SLC35F4: variants seen among roughly 807,000 people sequenced by gnomAD.
SLC35F4 encodes solute carrier family 35 member F4.
Under a neutral mutation model 44.2 loss-of-function variants are expected in SLC35F4, and 24 were observed. The observed-to-expected ratio is 0.54, with a 90% confidence interval of 0.39 to 0.76. The LOEUF is 0.76. SLC35F4 is among the 30% of genes least tolerant of loss of function. The pLI is 0.00. For missense variants in SLC35F4, 562 were observed against 586.1 expected, an observed-to-expected ratio of 0.96 and a Z score of 0.42; for synonymous variants, 238 against 223.6, an observed-to-expected ratio of 1.06 and a Z score of -0.57.
At chr14:57,771,859 G>T (rs2140684495) in intron 1 of SLC35F4, among the ~76,000 whole-genome samples, 1 of 152,300 alleles carries the variant, frequency 6.6e-6, no homozygotes, top group African/African-American at 2.4e-5. Flanking sequence ...CTCCCAAAGT[G>T]CTGGGATTGC....
chr14:57,915,432 G>A (rs144136551), intron 1 of SLC35F4, among the ~76,000 whole-genome samples: 3 of 152,026 alleles, frequency 2.0e-5, no homozygotes, highest in Non-Finnish European at 4.4e-5. Context: ...ACATGGCAAG[G>A]CTTCAAATTT....
intron 1 of SLC35F4, among the ~76,000 whole-genome samples, chr14:57,672,135 C>G (rs909907687): frequency 2.6e-5 from 4 of 152,048 alleles, no homozygotes; most frequent in Non-Finnish European, 5.9e-5. Context: ...ATATCAAGAA[C>G]ATTTTCTGAG....
At chr14:57,839,859 G>A (rs1158529574) in intron 1 of SLC35F4, among the ~76,000 whole-genome samples, 1 of 152,106 alleles carries the variant, frequency 6.6e-6, no homozygotes, top group Non-Finnish European at 1.5e-5. Flanking sequence ...AGGAGATCCT[G>A]ATGCAGAGCC....
At chr14:57,900,851 G>T (rs1006257768) in intron 1 of SLC35F4, among the ~76,000 whole-genome samples, 2 of 152,120 alleles carry the variant, frequency 1.3e-5, no homozygotes, top group Non-Finnish European at 2.9e-5. Flanking sequence ...ATTAAAAAAT[G>T]CACAAAGGAC....
chr14:57,820,751 G>C (rs1489416246), intron 1 of SLC35F4, among the ~76,000 whole-genome samples: 1 of 152,124 alleles, frequency 6.6e-6, no homozygotes, highest in African/African-American at 2.4e-5. Context: ...TGTATTTTTA[G>C]TGTCAGATCT....
At position 57,568,043 on chromosome 14, in the gene SLC35F4, A is replaced by G. The variant is rs1049575211; in HGVS notation, c.1127-1479T>C. On this transcript the variant is annotated intron_variant, in intron 6 of 7. Transcript: ENST00000556826. ...AGAGGGACGGCAATAAACACTTAGG[A>G]ATAGGAGCACTGAAGACTGTAAGAT... Among the ~76,000 whole-genome samples the G allele has an allele frequency of 5.6e-4, 86 of 152,292 alleles. 1 individual carries two copies. The highest frequency in any genetic ancestry group is 1.9e-3 in the African/African-American group (79 of 41,546).
At chr14:57,820,194 A>G (rs1468558529) in intron 1 of SLC35F4, among the ~76,000 whole-genome samples, 2 of 152,192 alleles carry the variant, frequency 1.3e-5, no homozygotes, top group African/African-American at 4.8e-5. Flanking sequence ...TTTTTAATGA[A>G]TTTTTGCTAG....
chr14:57,827,553 G>A (rs1883920432), intron 1 of SLC35F4, among the ~76,000 whole-genome samples: 2 of 151,874 alleles, frequency 1.3e-5, no homozygotes, highest in Non-Finnish European at 2.9e-5. Flanking sequence ...ATTTTTCTCT[G>A]AAGGAATTTA....
intron 1 of SLC35F4, among the ~76,000 whole-genome samples, chr14:57,858,950 A>T (rs943501404): frequency 3.2e-4 from 48 of 150,474 alleles, no homozygotes; most frequent in African/African-American, 1.1e-3. Context: ...AAAAAAAAAA[A>T]ATTAATTAAT....
At chr14:57,900,725 G>A (rs548569323) in intron 1 of SLC35F4, among the ~76,000 whole-genome samples, 15 of 152,152 alleles carry the variant, frequency 9.9e-5, no homozygotes, top group East Asian at 3.9e-4. Flanking sequence ...AACTATCATC[G>A]GAGTGAACAG....
At chr14:57,644,893 C>T (rs945376472) in intron 1 of SLC35F4, among the ~76,000 whole-genome samples, 1 of 152,144 alleles carries the variant, frequency 6.6e-6, no homozygotes, top group Non-Finnish European at 1.5e-5. Flanking sequence ...TTCCCCATTG[C>T]TTGTTTTTGT....
chr14:57,591,298 G>T (rs975784068), intron 2 of SLC35F4, among the ~76,000 whole-genome samples: 5 of 152,174 alleles, frequency 3.3e-5, no homozygotes, highest in Admixed American at 2.6e-4. Context: ...GAGGAGCTGG[G>T]GGGGATATGA....
At chr14:57,833,907 G>A (rs989503240) in intron 1 of SLC35F4, among the ~76,000 whole-genome samples, 7 of 152,162 alleles carry the variant, frequency 4.6e-5, no homozygotes, top group Non-Finnish European at 1.0e-4. Context: ...CCAAGCAACA[G>A]CCTCAATTTG....
chr14:57,632,380 A>C (rs1372827032), intron 1 of SLC35F4, among the ~76,000 whole-genome samples: 1 of 151,876 alleles, frequency 6.6e-6, no homozygotes, highest in African/African-American at 2.4e-5. Context: ...AAAATGAAGG[A>C]AAAAAAAGAG....
At chr14:57,683,030 G>T (rs2074956388) in intron 1 of SLC35F4, among the ~76,000 whole-genome samples, 1 of 151,906 alleles carries the variant, frequency 6.6e-6, no homozygotes, top group Non-Finnish European at 1.5e-5. Context: ...ATCATGGTGG[G>T]AGGGACTCTG....
chr14:57,587,386 A>G (rs547232523), intron 3 of SLC35F4, among the ~76,000 whole-genome samples: 1 of 152,242 alleles, frequency 6.6e-6, no homozygotes, highest in Non-Finnish European at 1.5e-5. Context: ...ATGCCCATCA[A>G]TGATAGACTG....
chr14:57,583,181 G>A (rs192593613), intron 3 of SLC35F4, among the ~76,000 whole-genome samples: 1 of 152,106 alleles, frequency 6.6e-6, no homozygotes, highest in Non-Finnish European at 1.5e-5. Context: ...CAGTCTCTTT[G>A]AAGCCCCACA....
intron 1 of SLC35F4, chr14:57,596,849 G>T: frequency 7.3e-7 from 1 of 1,367,622 alleles, no homozygotes. Context: ...GCTGCCAGCT[G>T]CCTCCCACTG....
At chr14:57,712,881 A>G (rs1464820524) in intron 1 of SLC35F4, among the ~76,000 whole-genome samples, 2 of 152,212 alleles carry the variant, frequency 1.3e-5, no homozygotes, top group African/African-American at 4.8e-5. Flanking sequence ...GGTCACAGTG[A>G]GTTAGAGCAG....
Sources: allele counts gnomAD v4.1 joint callset (sites outside exome capture counted in the v4.1 genomes callset), GRCh38; gene constraint gnomAD v4.1.1; transcripts MANE v1.5; gene names NCBI Gene and HGNC (gene_info 2026-07-23, HGNC 2026-07-21).